Variants in TUBGCP2 observed in about 807,000 individuals in gnomAD.
TUBGCP2 encodes gamma-tubulin complex component 2.
In TUBGCP2, 55 loss-of-function variants were observed where a neutral mutation model predicts 92.2. That is an observed-to-expected ratio of 0.60 (90% CI 0.48 to 0.75). The LOEUF is 0.75. TUBGCP2 is among the 30% of genes least tolerant of loss of function. TUBGCP2 has a pLI of 0.00. For missense variants in TUBGCP2, 1,093 were observed against 1,188.9 expected (o/e 0.92, Z 1.19); for synonymous variants, 533 against 505.2 (o/e 1.06, Z -0.74).
chr10:133,310,141 A>C, upstream of TUBGCP2: 1 of 1,613,232 alleles, frequency 6.2e-7, no homozygotes, highest in South Asian at 1.1e-5. Flanking sequence ...GGTCAGAGGG[A>C]GGTGACACGG....
intron 4 of TUBGCP2, among the ~76,000 whole-genome samples, chr10:133,299,101 G>A (rs1847563625): frequency 6.6e-6 from 1 of 152,142 alleles, no homozygotes; most frequent in Non-Finnish European, 1.5e-5. Flanking sequence ...GTCAAAAATT[G>A]GAGGAGGGAA....
rs1162898725 is a variant in TUBGCP2 at position 133,301,154 on chromosome 10, G to C, written c.151-1041C>G. On this transcript the variant is annotated intron_variant, in intron 2 of 17. Coordinates refer to ENST00000252936, the MANE Select transcript of TUBGCP2 (RefSeq NM_006659.4). ...GGTTATGCTTTTTCTTTTGGACGGAGTTTCGCTCTTGTTGCCCAGGCTGGA... is the reference window on the plus strand; with the variant it reads ...GGTTATGCTTTTTCTTTTGGACGGACTTTCGCTCTTGTTGCCCAGGCTGGA... Among the ~76,000 whole-genome samples, 3 of 152,302 alleles carry C rather than the reference G, an allele frequency of 2.0e-5. No homozygotes were observed. In the East Asian group the frequency reaches 5.8e-4, roughly 29 times the overall value.
chr10:133,301,008 C>T (rs539875687), intron 2 of TUBGCP2, among the ~76,000 whole-genome samples: 2 of 152,290 alleles, frequency 1.3e-5, no homozygotes, highest in African/African-American at 4.8e-5. Flanking sequence ...TTACCTTTTC[C>T]CCCCAGTAGT....
chr10:133,299,522 T>A lies in TUBGCP2; in HGVS notation c.361A>T (p.Asn121Tyr). Residue 121 changes from asparagine (N) to tyrosine (Y), a missense_variant, in exon 4 of 18, where the codon AAC becomes TAC. Coordinates refer to ENST00000252936, the MANE Select transcript of TUBGCP2 (RefSeq NM_006659.4). ...AAVGSSTTSI[N>Y]VPAAASKISM... ...ATCTTGGAGGCCGCGGCAGGGACGT[T>A]GATGCTGGTGGTACTGCTGCCCACA... 6.2e-7 allele frequency: 1 copy of A among 1,613,928 alleles called. No homozygotes were observed. The highest frequency in any genetic ancestry group is 1.1e-5 in the South Asian group (1 of 91,078).
chr10:133,293,764 A>G lies in TUBGCP2; in HGVS notation c.622T>C (p.Leu208=). The G allele has an allele frequency of 6.3e-7, 1 of 1,585,344 alleles. No individual in the cohort carries two copies. Among genetic ancestry groups the G allele is most frequent in the Non-Finnish European group, 8.6e-7 (1 of 1,166,770 alleles). The change falls in exon 6 of 18, where the codon TTG becomes CTG. Residue 208 remains leucine, a synonymous_variant. Transcript: ENST00000252936. ...STDTALPIGT[L]PLASQESAVV... is the part of the protein sequence containing the mutation. ...GCCGACTCCTGCGAGGCCAGGGGCA[A>G]CGTGCCTGCGGGCACAGACAGCGCT... is the stretch of plus-strand genomic sequence containing the variant.
At chr10:133,283,798 T>TCGCC in intron 14 of TUBGCP2, 84 bp downstream of exon 14, 1 of 1,569,760 alleles carries the variant, frequency 6.4e-7, no homozygotes, top group Non-Finnish European at 8.7e-7. Context: ...GCCTCTCCCC[T>TCGCC]CGCCCTGCCT....
At chr10:133,289,378 G>A (rs879580817) in intron 9 of TUBGCP2, among the ~76,000 whole-genome samples, 14 of 152,184 alleles carry the variant, frequency 9.2e-5, no homozygotes, top group Non-Finnish European at 1.6e-4. Context: ...CAACCCTTTC[G>A]TGACGGCCCC....
In TUBGCP2 at chr10:133,283,883, G is replaced by T; in HGVS notation, c.2144C>A (p.Ser715Tyr). The T allele has an allele frequency of 6.2e-7, 1 of 1,613,880 alleles. No homozygotes were observed. ...TWHILEKNLK[S>Y]ASNIDDVLGH... is the part of the protein sequence containing the mutation. ...ATTATCTGTGGAGCTAAAACTCACG[G>T]ATTTCAGGTTTTTCTCCAGGATGTG... Residue 715 changes from serine (S) to tyrosine (Y), a missense_variant and splice_region_variant, in exon 14 of 18, where the codon TCC (serine) becomes TAC (tyrosine). This residue lies in a region of TUBGCP2 where 598 missense variants were observed against 675.5 expected (regional missense o/e 0.89). Coordinates refer to ENST00000252936, the MANE Select transcript of TUBGCP2 (RefSeq NM_006659.4).
intron 9 of TUBGCP2, 137 bp downstream of exon 9, chr10:133,289,687 C>G: frequency 9.5e-7 from 1 of 1,050,828 alleles, no homozygotes. Context: ...CTGACCTCAG[C>G]CCCGCATTCA....
Position 133,279,422 on chromosome 10 carries a change from A to C in TUBGCP2, c.*344T>G. On this transcript the variant is annotated 3_prime_UTR_variant, in exon 18 of 18. Transcript: ENST00000252936. ...GAAGCCCGGCCCCAGCTCACCCGGA[A>C]AGATGTGGACACCAGGCCTGGATCT... 4.2e-6 allele frequency: 1 copy of C among 237,330 alleles called. No individual in the cohort carries two copies. Among genetic ancestry groups the C allele is most frequent in the Non-Finnish European group, 8.2e-6 (1 of 122,336 alleles). 14.7% of individuals were successfully genotyped at this position (237,330 alleles called of 1,614,324 possible).
At chr10:133,308,722 GAGCCGCGTCCCGCC>G (rs1300336032) in intron 1 of TUBGCP2, 87 bp downstream of exon 1, 7 of 314,314 alleles carry the variant, frequency 2.2e-5, no homozygotes, top group Non-Finnish European at 3.5e-5. Context: ...CGCGCGGGAA[GAGCCGCGTCCCGCC>G]AGCCCCGTCG....
At chr10:133,311,753 C>T (rs747203864), upstream of TUBGCP2, 21 of 1,613,578 alleles carry the variant, frequency 1.3e-5, no homozygotes, top group East Asian at 4.5e-5. Context: ...CAGTGGAGAG[C>T]GGTCAGAAGG....
At chr10:133,306,561 G>A (rs1847823660) in intron 1 of TUBGCP2, among the ~76,000 whole-genome samples, 1 of 152,180 alleles carries the variant, frequency 6.6e-6, no homozygotes, top group Admixed American at 6.5e-5. Flanking sequence ...GCCAAGGTGG[G>A]CGGATCATGA....
At chr10:133,289,045 T>G in intron 9 of TUBGCP2, 25 bp from the exon 10 acceptor site, 1 of 1,603,532 alleles carries the variant, frequency 6.2e-7, no homozygotes, top group Non-Finnish European at 8.5e-7. Flanking sequence ...ATTCAAAATT[T>G]TATTCTCCAC....
At chr10:133,307,364 G>C (rs1370758472) in intron 1 of TUBGCP2, among the ~76,000 whole-genome samples, 3 of 152,220 alleles carry the variant, frequency 2.0e-5, no homozygotes, top group Non-Finnish European at 4.4e-5. Flanking sequence ...CACTCCTAGT[G>C]AGCACACACT....
intron 15 of TUBGCP2, 82 bp downstream of exon 15, chr10:133,282,996 G>T: frequency 6.4e-7 from 1 of 1,556,250 alleles, no homozygotes. Flanking sequence ...GAAAACGTGA[G>T]CAGGCTGCGT....
chr10:133,286,432 A>G (rs2136113271), intron 11 of TUBGCP2, among the ~76,000 whole-genome samples: 1 of 152,336 alleles, frequency 6.6e-6, no homozygotes, highest in Non-Finnish European at 1.5e-5. Flanking sequence ...TGACAAGGAG[A>G]AAAGCAGTTC....
intron 1 of TUBGCP2, among the ~76,000 whole-genome samples, chr10:133,305,662 C>T (rs117280115): frequency 0.012 from 1,792 of 151,362 alleles, 15 homozygotes; most frequent in Non-Finnish European, 0.017. Context: ...ATTATTAGCA[C>T]GGGACTCGAC....
chr10:133,286,932 G>C (rs1443137404), intron 11 of TUBGCP2, among the ~76,000 whole-genome samples: 1 of 152,116 alleles, frequency 6.6e-6, no homozygotes, highest in Non-Finnish European at 1.5e-5. Flanking sequence ...GAAAAAAGAA[G>C]ACCACACTGA....
Sources: gnomAD v4.1 joint callset for allele counts (sites outside exome capture counted in the v4.1 genomes callset) on GRCh38, gnomAD v4.1.1 for gene constraint, gnomAD v4.1.1 regional missense constraint, MANE v1.5 for transcripts, NCBI Gene and HGNC (gene_info 2026-07-23, HGNC 2026-07-21) for gene names.